The following ATP2C2 variants were observed in gnomAD, a reference collection of about 807,000 sequenced individuals.
The protein encoded by ATP2C2 is ATPase secretory pathway Ca2+ transporting 2.
ATP2C2 carries 171 observed loss-of-function variants against 110.8 expected under a neutral mutation model. That is an observed-to-expected ratio of 1.54 (90% CI 1.36 to 1.75). The LOEUF is 1.75. Ranked by LOEUF, ATP2C2 falls within the 40% of genes most tolerant of loss-of-function variation. The pLI, the probability that ATP2C2 is intolerant of heterozygous loss-of-function variation, is 0.00. For synonymous variants in ATP2C2, 804 were observed against 508.4 expected, an observed-to-expected ratio of 1.58 and a Z score of -7.82; for missense variants, 1,963 against 1,235.0, an observed-to-expected ratio of 1.59 and a Z score of -8.84.
In ATP2C2 at chr16:84,464,037, A is replaced by C. The variant is rs1911672577; in HGVS notation, c.*305A>C. 4.1e-6 allele frequency: 1 copy of C among 241,934 alleles called. No individual in the cohort carries two copies. Among genetic ancestry groups the C allele is most frequent in the South Asian group, 8.7e-5 (1 of 11,446 alleles). The allele number at this position is 241,934 out of a possible 1,614,324, so 15.0% of individuals were successfully genotyped here. The stretch of plus-strand genomic sequence containing the variant: ...ACTACGTATCTGTGCCACAGCTTGC[A>C]GTGAGGCAGGCCACTCGTGGCAGAT... On this transcript the variant is annotated 3_prime_UTR_variant, in exon 27 of 27. Transcript: ENST00000262429.
chr16:84,451,777 G>A (rs554782629), intron 17 of ATP2C2, 144 bp from the exon 18 acceptor site: 22 of 799,634 alleles, frequency 2.8e-5, no homozygotes, highest in South Asian at 1.7e-4. Flanking sequence ...GGCAGAGGCT[G>A]CAGTGAGCCA....
intron 11 of ATP2C2, among the ~76,000 whole-genome samples, chr16:84,431,657 T>C (rs1908291332): frequency 6.6e-6 from 1 of 151,822 alleles, no homozygotes. Flanking sequence ...CGAGGGTCAC[T>C]TGGGGGGGAC....
chr16:84,424,676 C>T (rs1907653877), intron 10 of ATP2C2, among the ~76,000 whole-genome samples: 3 of 150,318 alleles, frequency 2.0e-5, no homozygotes, highest in Admixed American at 1.3e-4. Flanking sequence ...GCCCAAGGGG[C>T]AGGTGCAGGG....
At chr16:84,398,368 T>C in intron 1 of ATP2C2, 131 bp from the exon 2 acceptor site, 2 of 439,914 alleles carry the variant, frequency 4.5e-6, no homozygotes, top group South Asian at 1.0e-4. Context: ...ATCATGACAC[T>C]GCACTCCAGC....
In ATP2C2 at chr16:84,448,628, G is replaced by A. The variant is rs759240294; in HGVS notation, c.1599G>A (p.Thr533=). The A allele has an allele frequency of 6.3e-5, 102 of 1,613,870 alleles. 1 individual carries two copies. Among genetic ancestry groups the A allele is most frequent in the Non-Finnish European group, 8.4e-5 (99 of 1,179,946 alleles). ...ACGGGGGCATCCCCCTGCCGCTGAC[G>A]CCCCAGCAGAGGTCATTCTGCCTGC... ...YNNGGIPLPL[T]PQQRSFCLQE... Residue 533 remains threonine (T), a synonymous_variant, in exon 17 of 27, where the codon ACG becomes ACA. Transcript: ENST00000262429.
chr16:84,446,896 C>T (rs967287908), intron 16 of ATP2C2, among the ~76,000 whole-genome samples: 42 of 152,154 alleles, frequency 2.8e-4, no homozygotes, highest in Non-Finnish European at 7.3e-5. Flanking sequence ...TTTTATACTT[C>T]TTAGCTCATC....
At chr16:84,391,711 T>C (rs1259061888) in intron 1 of ATP2C2, among the ~76,000 whole-genome samples, 4 of 152,176 alleles carry the variant, frequency 2.6e-5, no homozygotes, top group African/African-American at 7.2e-5. Flanking sequence ...CCTGCCAGCA[T>C]CTTGGTTTCA....
intron 6 of ATP2C2, 174 bp downstream of exon 6, chr16:84,410,939 CG>C: frequency 3.1e-6 from 2 of 652,768 alleles, no homozygotes; most frequent in Non-Finnish European, 5.4e-6. Flanking sequence ...TGTGTGTCCT[CG>C]GGCATGTCAC....
At chr16:84,463,316 A>C (rs2326273) in intron 26 of ATP2C2, among the ~76,000 whole-genome samples, 104,755 of 151,940 alleles carry the variant, frequency 0.69, 36,310 homozygotes, top group East Asian at 0.89. Context: ...CAGCTGCTGT[A>C]GGGAAAGGAA....
intron 2 of ATP2C2, among the ~76,000 whole-genome samples, chr16:84,403,880 G>A (rs1004538553): frequency 1.3e-5 from 2 of 152,194 alleles, no homozygotes; most frequent in African/African-American, 4.8e-5. Context: ...TAGTAGAGAC[G>A]GGCTTTTGCC....
In ATP2C2 at chr16:84,424,382, A is replaced by C. The variant is rs58441615; in HGVS notation, c.919+1119A>C. On this transcript the variant is annotated intron_variant, in intron 10 of 26. Transcript: ENST00000262429. ...CACCCTCTGCCTCCTGGGTTAACCA[A>C]TTCTCCTGCCTCAGCCTCCTGAATC... Among the ~76,000 whole-genome samples, 1,093 of 152,150 alleles carry C rather than the reference A, an allele frequency of 7.2e-3. 15 individuals carry two copies. The highest frequency in any genetic ancestry group is 0.025 in the African/African-American group (1,042 of 41,486).
At chr16:84,372,663 A>T (rs1323141203) in intron 1 of ATP2C2, among the ~76,000 whole-genome samples, 1 of 151,916 alleles carries the variant, frequency 6.6e-6, no homozygotes, top group East Asian at 1.9e-4. Flanking sequence ...TGACCTCATG[A>T]TCCGCCTGCC....
intron 2 of ATP2C2, among the ~76,000 whole-genome samples, chr16:84,399,652 A>G (rs117476205): frequency 1.3e-5 from 2 of 152,270 alleles, no homozygotes; most frequent in South Asian, 4.2e-4. Context: ...GGTACATAGT[A>G]GGTGCATATT....
intron 11 of ATP2C2, among the ~76,000 whole-genome samples, chr16:84,438,419 A>C (rs1056827634): frequency 6.6e-6 from 1 of 152,176 alleles, no homozygotes; most frequent in Non-Finnish European, 1.5e-5. Flanking sequence ...AAAGGGATAG[A>C]AAGAGCCCCC....
intron 11 of ATP2C2, among the ~76,000 whole-genome samples, chr16:84,436,985 C>A (rs1908802602): frequency 6.6e-6 from 1 of 152,112 alleles, no homozygotes; most frequent in East Asian, 1.9e-4. Flanking sequence ...TGGTGTCGAA[C>A]TCCCGACCTC....
intron 21 of ATP2C2, among the ~76,000 whole-genome samples, chr16:84,458,510 T>G (rs1910909937): frequency 1.3e-4 from 1 of 7,410 alleles, no homozygotes; most frequent in Non-Finnish European, 4.8e-4. Context: ...AAAAAAAAAT[T>G]TAAATAAAAA....
intron 11 of ATP2C2, among the ~76,000 whole-genome samples, chr16:84,427,621 GC>G (rs559938266): frequency 1.1e-3 from 169 of 152,284 alleles, no homozygotes; most frequent in African/African-American, 4.0e-3. Context: ...GGAGGCTGAG[GC>G]AGAAGAATCG....
rs775142505 is a variant in ATP2C2 at position 84,415,577 on chromosome 16, A to T, written c.610A>T (p.Ile204Phe). Residue 204 changes from isoleucine to phenylalanine, a missense_variant, in exon 7 of 27, where the codon ATC (isoleucine) becomes TTC (phenylalanine). Coordinates refer to ENST00000262429, the MANE Select transcript of ATP2C2 (RefSeq NM_014861.4). Reference protein sequence around the residue: ...LSIGDRIPADIRLTEVTDLLV... With the variant: ...LSIGDRIPADFRLTEVTDLLV... ...GATCGGAGACCGGATCCCTGCAGAC[A>T]TCCGACTCACTGAGGTGAGTGGTTC... 1 of 1,613,608 alleles carries T rather than the reference A, an allele frequency of 6.2e-7. No individual in the cohort carries two copies. The highest frequency in any genetic ancestry group is 1.1e-5 in the South Asian group (1 of 90,976).
chr16:84,388,628 T>G (rs570029188), intron 1 of ATP2C2, among the ~76,000 whole-genome samples: 1 of 152,336 alleles, frequency 6.6e-6, no homozygotes, highest in African/African-American at 2.4e-5. Context: ...TTTGGGTGTG[T>G]GTCTCCAATG....
Sources: gnomAD v4.1 joint callset for allele counts (sites outside exome capture counted in the v4.1 genomes callset) on GRCh38, gnomAD v4.1.1 for gene constraint, MANE v1.5 for transcripts, NCBI Gene and HGNC (gene_info 2026-07-23, HGNC 2026-07-21) for gene names.